The following CSMD1 variants were observed in gnomAD, a reference collection of about 807,000 sequenced individuals.
The protein encoded by CSMD1 is CUB and sushi domain-containing protein 1.
In CSMD1, 213 loss-of-function variants were observed where a neutral mutation model predicts 417.5. That is an observed-to-expected ratio of 0.51 (90% CI 0.46 to 0.57). The LOEUF is 0.57. Among genes scored for constraint, CSMD1 ranks in the 20% least tolerant of loss-of-function variants. The pLI is 0.00. For missense variants in CSMD1, 6,923 were observed against 4,529.7 expected, an observed-to-expected ratio of 1.53 and a Z score of -15.17; for synonymous variants, 2,862 against 1,736.8, an observed-to-expected ratio of 1.65 and a Z score of -16.11.
intron 2 of CSMD1, among the ~76,000 whole-genome samples, chr8:4,515,764 C>G (rs1223765332): frequency 6.6e-6 from 1 of 152,048 alleles, no homozygotes; most frequent in Non-Finnish European, 1.5e-5. Context: ...CTCTGCAACT[C>G]TCTGTTTTAT....
intron 3 of CSMD1, among the ~76,000 whole-genome samples, chr8:4,334,664 G>A (rs1800064946): frequency 6.6e-6 from 1 of 152,114 alleles, no homozygotes; most frequent in Admixed American, 6.5e-5. Context: ...GGTTAGAGAA[G>A]CTGTAAATCC....
intron 7 of CSMD1, among the ~76,000 whole-genome samples, chr8:3,625,110 TAC>T (rs1796433426): frequency 6.6e-6 from 1 of 152,148 alleles, no homozygotes; most frequent in Non-Finnish European, 1.5e-5. Flanking sequence ...AGAATATTTG[TAC>T]AGTCTCTAGC....
intron 1 of CSMD1, among the ~76,000 whole-genome samples, chr8:4,871,830 G>A (rs1008730902): frequency 6.6e-6 from 1 of 152,056 alleles, no homozygotes; most frequent in African/African-American, 2.4e-5. Context: ...TCAGAGGACA[G>A]GCAGGTTCTG....
chr8:4,563,999 T>A (rs1168571382), intron 2 of CSMD1, among the ~76,000 whole-genome samples: 1 of 152,136 alleles, frequency 6.6e-6, no homozygotes, highest in Non-Finnish European at 1.5e-5. Flanking sequence ...CCCAGGAAAA[T>A]GAGGAGTTAC....
At chr8:4,035,388 C>T (rs753757557) in intron 3 of CSMD1, among the ~76,000 whole-genome samples, 3 of 152,058 alleles carry the variant, frequency 2.0e-5, no homozygotes, top group Non-Finnish European at 4.4e-5. Flanking sequence ...TGTGCTTCTT[C>T]TACTAAAAAA....
At chr8:4,051,930 C>CTT (rs1471013544) in intron 3 of CSMD1, among the ~76,000 whole-genome samples, 5 of 140,356 alleles carry the variant, frequency 3.6e-5, no homozygotes, top group Non-Finnish European at 7.7e-5. Context: ...CTTTTTCTTT[C>CTT]TTTCTTTCTT....
intron 7 of CSMD1, among the ~76,000 whole-genome samples, chr8:3,665,468 G>C (rs1798639363): frequency 6.6e-6 from 1 of 152,142 alleles, no homozygotes; most frequent in Non-Finnish European, 1.5e-5. Context: ...GACGGAGGTT[G>C]CAGTGAGCCA....
intron 10 of CSMD1, among the ~76,000 whole-genome samples, chr8:3,569,476 AAG>A (rs1799856972): frequency 6.6e-6 from 1 of 152,192 alleles, no homozygotes; most frequent in African/African-American, 2.4e-5. Context: ...TGTATTGACT[AAG>A]AGAGAATTGG....
chr8:3,152,608 A>G (rs1430143252), intron 39 of CSMD1, among the ~76,000 whole-genome samples: 1 of 152,222 alleles, frequency 6.6e-6, no homozygotes, highest in African/African-American at 2.4e-5. Context: ...TGCTCAAGCC[A>G]GGGCACCATA....
intron 3 of CSMD1, among the ~76,000 whole-genome samples, chr8:4,343,967 A>G (rs752879319): frequency 2.0e-5 from 3 of 152,186 alleles, no homozygotes; most frequent in Non-Finnish European, 4.4e-5. Context: ...CATATATACA[A>G]TAAATTCTAG....
At chr8:4,329,973 C>G (rs969761795) in intron 3 of CSMD1, among the ~76,000 whole-genome samples, 2 of 152,050 alleles carry the variant, frequency 1.3e-5, no homozygotes, top group African/African-American at 2.4e-5. Flanking sequence ...TGAGGTCTCC[C>G]CAAAAGCCAA....
chr8:3,352,207 T>A (rs1449206928), intron 21 of CSMD1, among the ~76,000 whole-genome samples: 1 of 152,190 alleles, frequency 6.6e-6, no homozygotes, highest in Non-Finnish European at 1.5e-5. Flanking sequence ...ACAAATAGGA[T>A]GTTTTTATGA....
At chr8:4,339,585 C>T (rs763602401) in intron 3 of CSMD1, among the ~76,000 whole-genome samples, 2 of 152,066 alleles carry the variant, frequency 1.3e-5, no homozygotes, top group Non-Finnish European at 2.9e-5. Flanking sequence ...TTTATTTCAT[C>T]GTGCAAAGAA....
chr8:3,974,685 T>TTA (rs1053780131), intron 5 of CSMD1, among the ~76,000 whole-genome samples: 18 of 150,412 alleles, frequency 1.2e-4, no homozygotes, highest in Non-Finnish European at 2.2e-4. Context: ...TTTTTTTTTT[T>TTA]ACATAACAGA....
At chr8:3,047,960 T>G (rs73488448) in intron 50 of CSMD1, among the ~76,000 whole-genome samples, 8 of 152,290 alleles carry the variant, frequency 5.3e-5, no homozygotes, top group African/African-American at 1.4e-4. Context: ...AACTTGACGG[T>G]GATAGACTGA....
intron 3 of CSMD1, among the ~76,000 whole-genome samples, chr8:4,286,117 A>G (rs1797043182): frequency 6.6e-6 from 1 of 152,056 alleles, no homozygotes; most frequent in African/African-American, 2.4e-5. Context: ...GTTCACGTTA[A>G]CGATATGCGC....
At chr8:3,462,255 G>A (rs1372295575) in intron 12 of CSMD1, among the ~76,000 whole-genome samples, 1 of 152,134 alleles carries the variant, frequency 6.6e-6, no homozygotes, top group Admixed American at 6.5e-5. Flanking sequence ...TGGCCCAATT[G>A]CTTCAGTTTG....
chr8:4,084,320 G>C (rs1442969187), intron 3 of CSMD1, among the ~76,000 whole-genome samples: 3 of 103,476 alleles, frequency 2.9e-5, no homozygotes, highest in Middle Eastern at 6.2e-3. Flanking sequence ...AAAAATATTG[G>C]TTTGTTAAAA....
At chr8:3,486,029 C>G (rs1388160900) in intron 11 of CSMD1, among the ~76,000 whole-genome samples, 1 of 152,090 alleles carries the variant, frequency 6.6e-6, no homozygotes, top group Non-Finnish European at 1.5e-5. Flanking sequence ...TTCGAGTTCT[C>G]CTTGTCTTCA....
Sources: gnomAD v4.1 joint callset for allele counts (sites outside exome capture counted in the v4.1 genomes callset) on GRCh38, gnomAD v4.1.1 for gene constraint, MANE v1.5 for transcripts, NCBI Gene and HGNC (gene_info 2026-07-23, HGNC 2026-07-21) for gene names.